PCDH7: variants seen among roughly 807,000 people sequenced by gnomAD.
The protein encoded by PCDH7 is protocadherin-7.
A neutral mutation model predicts 58.9 loss-of-function variants in PCDH7; 17 were observed. The ratio of observed to expected loss-of-function variants is 0.29; its 90% CI spans 0.20 to 0.43. PCDH7 has a LOEUF of 0.43. PCDH7 is among the 20% of genes least tolerant of loss of function. The pLI is 1.00. For synonymous variants in PCDH7, 664 were observed against 616.4 expected (o/e 1.08, Z -1.14); for missense variants, 1,274 against 1,441.0 (o/e 0.88, Z 1.88).
Position 31,065,302 on chromosome 4 carries a change from G to A in PCDH7, c.*8-77171G>A, listed in dbSNP as rs556040233. 3.9e-5 allele frequency among the ~76,000 whole-genome samples: 6 copies of A among 152,114 alleles called. No individual in the cohort carries two copies. In the South Asian group the frequency reaches 1.2e-3, roughly 32 times the overall value. Reference sequence around the variant, plus strand: ...ATCCAGGAGAGCAATTCTTCGGTGAGGTGGAATGAGCAGCACTTTAATAGC... The same window carrying A: ...ATCCAGGAGAGCAATTCTTCGGTGAAGTGGAATGAGCAGCACTTTAATAGC... On this transcript the variant is annotated intron_variant, in intron 3 of 3. Coordinates refer to the PCDH7 transcript ENST00000509759.
chr4:30,767,688 T>C (rs1348257046), intron 1 of PCDH7, among the ~76,000 whole-genome samples: 1 of 152,218 alleles, frequency 6.6e-6, no homozygotes, highest in African/African-American at 2.4e-5. Context: ...CCAGAGGTAC[T>C]GAGTGGAAAA....
At chr4:31,007,189 C>T (rs1752836079) in intron 3 of PCDH7, among the ~76,000 whole-genome samples, 1 of 152,170 alleles carries the variant, frequency 6.6e-6, no homozygotes. Context: ...TATTTAATCT[C>T]TCTCTGCCTC....
At chr4:30,742,762 G>T (rs540713495) in intron 1 of PCDH7, among the ~76,000 whole-genome samples, 12 of 151,996 alleles carry the variant, frequency 7.9e-5, no homozygotes, top group African/African-American at 2.2e-4. Flanking sequence ...GTTTTAATTC[G>T]GCTTCATATG....
chr4:30,976,473 T>C (rs893674330), intron 3 of PCDH7, among the ~76,000 whole-genome samples: 13 of 146,324 alleles, frequency 8.9e-5, no homozygotes, highest in African/African-American at 3.4e-4. Context: ...TGATCTTGGC[T>C]CACTGAAACC....
intron 3 of PCDH7, among the ~76,000 whole-genome samples, chr4:31,096,909 G>GTT: frequency 1.1e-5 from 1 of 93,208 alleles, no homozygotes; most frequent in Non-Finnish European, 1.8e-5. Context: ...TAAATTCCTT[G>GTT]TTTGTGTGTG....
chr4:30,926,315 G>C (rs1177849494), intron 2 of PCDH7, among the ~76,000 whole-genome samples: 2 of 151,846 alleles, frequency 1.3e-5, no homozygotes, highest in African/African-American at 2.4e-5. Context: ...CTCCAGAGTA[G>C]CTGGGACTAT....
chr4:30,900,478 A>ATGAAAGATT (rs1427479732), intron 1 of PCDH7, among the ~76,000 whole-genome samples: 1 of 152,194 alleles, frequency 6.6e-6, no homozygotes, highest in Non-Finnish European at 1.5e-5. Context: ...TATACTACTT[A>ATGAAAGATT]TGAAAGATTT....
rs1037165330 is a variant in PCDH7, at chr4:30,728,028, G to T, written c.3175-2725G>T. 2.0e-5 allele frequency among the ~76,000 whole-genome samples: 3 copies of T among 151,604 alleles called. No individual in the cohort carries two copies. In the East Asian group the frequency reaches 5.8e-4, roughly 29 times the overall value. ...TAAACATCCATTTTAAAATCCACTT[G>T]CAGCTGATCCTGAAATACAAAAAAT... On this transcript the variant is annotated intron_variant, in intron 1 of 1. Transcript: ENST00000361762.
intron 3 of PCDH7, among the ~76,000 whole-genome samples, chr4:30,952,196 C>G (rs2109449205): frequency 6.6e-6 from 1 of 151,966 alleles, no homozygotes; most frequent in South Asian, 2.1e-4. Context: ...AATTTCATCC[C>G]CAGAAAAGGA....
intron 1 of PCDH7, among the ~76,000 whole-genome samples, chr4:30,825,233 A>G (rs560652477): frequency 1.2e-3 from 182 of 152,264 alleles, no homozygotes; most frequent in Non-Finnish European, 2.1e-3. Flanking sequence ...TGGACAAGGC[A>G]TATTATTTAT....
At chr4:30,916,606 C>A (rs1369230604) in intron 1 of PCDH7, among the ~76,000 whole-genome samples, 3 of 152,154 alleles carry the variant, frequency 2.0e-5, no homozygotes, top group African/African-American at 7.2e-5. Flanking sequence ...TCGTTTATCA[C>A]CCCAGACAGA....
intron 2 of PCDH7, among the ~76,000 whole-genome samples, chr4:30,943,906 T>A (rs996640240): frequency 6.6e-6 from 1 of 152,094 alleles, no homozygotes; most frequent in African/African-American, 2.4e-5. Flanking sequence ...CATAGCTCTT[T>A]GCATAACACA....
At chr4:30,980,103 C>A (rs1349169430) in intron 3 of PCDH7, among the ~76,000 whole-genome samples, 1 of 152,118 alleles carries the variant, frequency 6.6e-6, no homozygotes, top group Admixed American at 6.5e-5. Flanking sequence ...CTTCTGATTT[C>A]TTTGTTGCTT....
rs192679268 is a variant in PCDH7, at chr4:30,883,954, A to G, written c.71-36199A>G. Among the ~76,000 whole-genome samples the G allele has an allele frequency of 7.2e-5, 11 of 152,226 alleles. No homozygotes were observed. The East Asian group carries it at 1.5e-3, about 21-fold the overall frequency. Reference sequence around the variant, plus strand: ...AGCCAGTATTCCTTCCTCTTTATTGACAAATTGGTTCCTTTAACATTTTCC... The same window carrying G: ...AGCCAGTATTCCTTCCTCTTTATTGGCAAATTGGTTCCTTTAACATTTTCC... On this transcript the variant is annotated intron_variant, in intron 1 of 3. Transcript: ENST00000509759.
chr4:30,743,147 A>G (rs937114166), intron 1 of PCDH7, among the ~76,000 whole-genome samples: 3 of 152,172 alleles, frequency 2.0e-5, no homozygotes, highest in Non-Finnish European at 1.5e-5. Context: ...AAATAAAATA[A>G]TGATGCCAAA....
At chr4:31,078,887 A>C (rs1404727128) in intron 3 of PCDH7, among the ~76,000 whole-genome samples, 1 of 151,970 alleles carries the variant, frequency 6.6e-6, no homozygotes, top group Non-Finnish European at 1.5e-5. Context: ...AACAAATGCA[A>C]CAGAATAAGA....
intron 3 of PCDH7, among the ~76,000 whole-genome samples, chr4:31,009,917 A>T (rs921671357): frequency 6.6e-6 from 1 of 151,980 alleles, no homozygotes; most frequent in African/African-American, 2.4e-5. Context: ...TTATTGACAT[A>T]GGGCCAAAGG....
At chr4:30,962,606 A>C (rs931146024) in intron 3 of PCDH7, among the ~76,000 whole-genome samples, 1 of 151,712 alleles carries the variant, frequency 6.6e-6, no homozygotes, top group African/African-American at 2.4e-5. Context: ...GGGCAGCATA[A>C]GGAGACTCCA....
At chr4:31,024,959 T>A (rs1047690337) in intron 3 of PCDH7, among the ~76,000 whole-genome samples, 3 of 152,148 alleles carry the variant, frequency 2.0e-5, no homozygotes, top group African/African-American at 7.2e-5. Context: ...GTTAGGGTGG[T>A]CTCGAACTCC....
Sources: allele counts gnomAD v4.1 joint callset (sites outside exome capture counted in the v4.1 genomes callset), GRCh38; gene constraint gnomAD v4.1.1; transcripts MANE v1.5; gene names NCBI Gene and HGNC (gene_info 2026-07-23, HGNC 2026-07-21).